Variants in MEIKIN observed in about 807,000 individuals in gnomAD.
MEIKIN encodes meiosis-specific kinetochore protein.
At chr5:131,833,534 G>A (rs1471923760) in intron 11 of MEIKIN, among the ~76,000 whole-genome samples, 1 of 152,056 alleles carries the variant, frequency 6.6e-6, no homozygotes, top group South Asian at 2.1e-4. Context: ...GGTTTAATTG[G>A]ACTAACAGTT....
At chr5:131,849,798 C>T (rs1392551703) in intron 11 of MEIKIN, among the ~76,000 whole-genome samples, 1 of 151,732 alleles carries the variant, frequency 6.6e-6, no homozygotes, top group Non-Finnish European at 1.5e-5. Flanking sequence ...GCATTTTCAA[C>T]ATACTACTGA....
intron 11 of MEIKIN, among the ~76,000 whole-genome samples, chr5:131,837,735 T>A (rs1262467093): frequency 6.6e-6 from 1 of 152,172 alleles, no homozygotes; most frequent in Non-Finnish European, 1.5e-5. Context: ...TGAAGTTGTT[T>A]ATTAGCTTAA....
chr5:131,906,950 C>T (rs1015181886), intron 8 of MEIKIN, among the ~76,000 whole-genome samples: 7 of 152,136 alleles, frequency 4.6e-5, no homozygotes, highest in African/African-American at 1.7e-4. Context: ...GCACACCAAA[C>T]TACTGTAACA....
chr5:131,905,827 A>C (rs761253832), intron 8 of MEIKIN, among the ~76,000 whole-genome samples: 1 of 152,226 alleles, frequency 6.6e-6, no homozygotes, highest in Non-Finnish European at 1.5e-5. Flanking sequence ...AGCCATATGC[A>C]GAAGACTGAA....
At chr5:131,938,501 T>C (rs1301842491) in intron 4 of MEIKIN, among the ~76,000 whole-genome samples, 2 of 152,128 alleles carry the variant, frequency 1.3e-5, no homozygotes, top group Non-Finnish European at 2.9e-5. Flanking sequence ...CAATCAGTGG[T>C]TTTTTTGTAG....
intron 4 of MEIKIN, among the ~76,000 whole-genome samples, chr5:131,941,456 GC>G (rs34616572): frequency 0.36 from 55,072 of 151,818 alleles, 11,960 homozygotes; most frequent in African/African-American, 0.62. Flanking sequence ...ACCGTGCCTG[GC>G]CCAAGATCTC....
chr5:131,811,559 G>A (rs999965934), intron 12 of MEIKIN, among the ~76,000 whole-genome samples: 2 of 151,556 alleles, frequency 1.3e-5, no homozygotes, highest in African/African-American at 4.9e-5. Context: ...CGCCCACCTC[G>A]GCCTCCCAAC....
chr5:131,867,736 T>C (rs1750410737), intron 9 of MEIKIN, among the ~76,000 whole-genome samples: 1 of 152,222 alleles, frequency 6.6e-6, no homozygotes, highest in Admixed American at 6.5e-5. Context: ...TAATATTCCA[T>C]TGTCTGGATA....
rs571756825 is a variant in MEIKIN at position 131,894,125 on chromosome 5, A to T, written c.704-15077T>A. On this transcript the variant is annotated intron_variant, in intron 8 of 12. Transcript: ENST00000442687. ...TTCAGCTTTCTACATATGGCTAGCCAGTTTTCCCAGCACCATTTATTAAAT... is the reference window on the plus strand; with the variant it reads ...TTCAGCTTTCTACATATGGCTAGCCTGTTTTCCCAGCACCATTTATTAAAT... Among the ~76,000 whole-genome samples the T allele has an allele frequency of 2.0e-5, 3 of 152,330 alleles. No individual in the cohort carries two copies. In the East Asian group the frequency reaches 5.8e-4, roughly 29 times the overall value.
chr5:131,852,048 C>T lies in MEIKIN; in HGVS notation c.856-665G>A, dbSNP rs141287974. Among the ~76,000 whole-genome samples the T allele has an allele frequency of 3.7e-3, 564 of 152,098 alleles. 4 individuals carry two copies. Among genetic ancestry groups the T allele is most frequent in the African/African-American group, 0.013 (528 of 41,492 alleles). ...AATAGATAATAAATGGAAATAAATG[C>T]GCATAAACTGAATTGATAAACAAAA... On this transcript the variant is annotated intron_variant, in intron 10 of 12. Coordinates refer to ENST00000442687, the MANE Select transcript of MEIKIN (RefSeq NM_001303622.2).
intron 9 of MEIKIN, among the ~76,000 whole-genome samples, chr5:131,864,638 T>A (rs947029250): frequency 2.0e-5 from 3 of 152,242 alleles, no homozygotes; most frequent in Admixed American, 6.5e-5. Context: ...TTTCTCCTGC[T>A]GCTTTTAGAA....
chr5:131,832,836 G>A (rs1749738057), intron 11 of MEIKIN, among the ~76,000 whole-genome samples: 1 of 152,200 alleles, frequency 6.6e-6, no homozygotes, highest in African/African-American at 2.4e-5. Flanking sequence ...CTAGAGTGGC[G>A]AGGATGCAGG....
chr5:131,879,385 TACA>T lies in MEIKIN; in HGVS notation c.704-340_704-338del, dbSNP rs563291178. Among the ~76,000 whole-genome samples, 484 of 152,352 alleles carry T rather than the reference TACA, an allele frequency of 3.2e-3. 3 individuals carry two copies. Among genetic ancestry groups the T allele is most frequent in the African/African-American group, 0.011 (461 of 41,586 alleles). ...CCACATTTTCAAGCTCTTTTTCTACTACAATTTTTTCTTTTTTCTTTTTTTAAA... is the reference window on the plus strand; with the variant it reads ...CCACATTTTCAAGCTCTTTTTCTACTATTTTTTCTTTTTTCTTTTTTTAAA... On this transcript the variant is annotated intron_variant, in intron 8 of 12. Transcript: ENST00000442687.
chr5:131,860,515 G>T (rs1005165144), intron 9 of MEIKIN, among the ~76,000 whole-genome samples: 1 of 151,394 alleles, frequency 6.6e-6, no homozygotes, highest in South Asian at 2.1e-4. Flanking sequence ...GTGTGATCTC[G>T]GCTGACTGCA....
At chr5:131,835,276 T>C (rs945080812) in intron 11 of MEIKIN, among the ~76,000 whole-genome samples, 1 of 151,826 alleles carries the variant, frequency 6.6e-6, no homozygotes, top group African/African-American at 2.4e-5. Flanking sequence ...CAACTCCTTA[T>C]CAGATATGTG....
chr5:131,809,833 C>A lies in MEIKIN; in HGVS notation c.1100-2575G>T, dbSNP rs199943785. Among the ~76,000 whole-genome samples, 304 of 134,942 alleles carry A rather than the reference C, an allele frequency of 2.3e-3. 2 individuals carry two copies. Among genetic ancestry groups the A allele is most frequent in the African/African-American group, 6.7e-3 (260 of 39,078 alleles). 88.5% of individuals were successfully genotyped at this position (134,942 alleles called of 152,430 possible). A position where few individuals can be genotyped will look rare whatever the true frequency, so the allele number is the denominator to read the frequency against. On this transcript the variant is annotated intron_variant, in intron 12 of 12. Coordinates refer to ENST00000442687, the MANE Select transcript of MEIKIN (RefSeq NM_001303622.2). Reference sequence around the variant, plus strand: ...AAACAAACGAACAAAAAAAAAAAAACAAACAAAACCAAAGAACAGTTTTCA... The same window carrying A: ...AAACAAACGAACAAAAAAAAAAAAAAAAACAAAACCAAAGAACAGTTTTCA...
At chr5:131,842,396 A>T (rs936178188) in intron 11 of MEIKIN, among the ~76,000 whole-genome samples, 1 of 152,124 alleles carries the variant, frequency 6.6e-6, no homozygotes. Context: ...TTTAGAAGAA[A>T]CTTTCAGCTT....
chr5:131,820,331 C>T (rs1749473730), intron 11 of MEIKIN, among the ~76,000 whole-genome samples: 1 of 152,060 alleles, frequency 6.6e-6, no homozygotes, highest in Non-Finnish European at 1.5e-5. Context: ...AGGTGATCTG[C>T]CTGCCTCAGC....
intron 8 of MEIKIN, among the ~76,000 whole-genome samples, chr5:131,897,321 T>C (rs886221167): frequency 1.3e-5 from 2 of 152,234 alleles, no homozygotes; most frequent in African/African-American, 4.8e-5. Context: ...TAATATTTTT[T>C]CCTTCATTTC....
Sources: gnomAD v4.1 joint callset for allele counts (sites outside exome capture counted in the v4.1 genomes callset) on GRCh38, gnomAD v4.1.1 for gene constraint, MANE v1.5 for transcripts, NCBI Gene and HGNC (gene_info 2026-07-23, HGNC 2026-07-21) for gene names.